The following SGMS1 variants were observed in gnomAD, a reference collection of about 807,000 sequenced individuals.
SGMS1 encodes the protein sphingomyelin synthase 1.
SGMS1 carries 13 observed loss-of-function variants against 46.2 expected under a neutral mutation model. The observed-to-expected ratio is 0.28, with a 90% CI of 0.18 to 0.45. SGMS1 has a LOEUF of 0.45. SGMS1 is among the 20% of genes least tolerant of loss of function. SGMS1 has a pLI of 1.00. For synonymous variants in SGMS1, 203 were observed against 187.8 expected (o/e 1.08, Z -0.66); for missense variants, 324 against 519.9 (o/e 0.62, Z 3.66).
chr10:50,438,772 C>T (rs1319132027), intron 5 of SGMS1, among the ~76,000 whole-genome samples: 2 of 152,200 alleles, frequency 1.3e-5, no homozygotes, highest in African/African-American at 2.4e-5. Context: ...TCTGCCTCTA[C>T]ATTAGCACAC....
intron 3 of SGMS1, among the ~76,000 whole-genome samples, chr10:50,481,901 T>C (rs566053141): frequency 5.3e-5 from 8 of 152,184 alleles, no homozygotes; most frequent in South Asian, 4.1e-4. Flanking sequence ...AAGAGCCGAA[T>C]AGACCAGCAG....
At chr10:50,332,288 C>T (rs765217304) in intron 7 of SGMS1, among the ~76,000 whole-genome samples, 6 of 152,134 alleles carry the variant, frequency 3.9e-5, no homozygotes, top group Non-Finnish European at 7.3e-5. Flanking sequence ...CAGCCATTCT[C>T]TCTGCCTGGA....
rs149419573 is a variant in SGMS1, at chr10:50,572,850, G to A, written c.-589+17303C>T. On this transcript the variant is annotated intron_variant, in intron 2 of 10. Coordinates refer to ENST00000361781, the MANE Select transcript of SGMS1 (RefSeq NM_147156.4). ...CATTTAAAACAGAACACAAATCAGC[G>A]TTTTCAACACCAAGAGAGAACCCTC... Among the ~76,000 whole-genome samples, 572 of 152,148 alleles carry A rather than the reference G, an allele frequency of 3.8e-3. 3 individuals carry two copies. Among genetic ancestry groups the A allele is most frequent in the African/African-American group, 0.013 (548 of 41,528 alleles).
chr10:50,613,527 A>T (rs1838769594), intron 1 of SGMS1, among the ~76,000 whole-genome samples: 1 of 152,186 alleles, frequency 6.6e-6, no homozygotes. Context: ...AGGCCTCTCT[A>T]GCCTCTTCAG....
chr10:50,573,272 T>C (rs1174481664), intron 2 of SGMS1, among the ~76,000 whole-genome samples: 2 of 152,176 alleles, frequency 1.3e-5, no homozygotes, highest in Non-Finnish European at 2.9e-5. Context: ...AGGTATCCAA[T>C]GTAAAACTAT....
Position 50,405,605 on chromosome 10 carries a change from G to A in SGMS1, c.-232+27871C>T, listed in dbSNP as rs566202816. Among the ~76,000 whole-genome samples, 117 of 152,240 alleles carry A rather than the reference G, an allele frequency of 7.7e-4. 2 individuals carry two copies. Among genetic ancestry groups the A allele is most frequent in the South Asian group, 3.1e-3 (15 of 4,822 alleles). On this transcript the variant is annotated intron_variant, in intron 6 of 10. Coordinates refer to ENST00000361781, the MANE Select transcript of SGMS1 (RefSeq NM_147156.4). ...GAAGAACTATCCCAATTCATGAAAA[G>A]CAGTAAAGAAACACCCTCACAAATG...
intron 3 of SGMS1, among the ~76,000 whole-genome samples, chr10:50,504,689 CA>C (rs1218701324): frequency 6.6e-6 from 1 of 151,990 alleles, no homozygotes; most frequent in East Asian, 1.9e-4. Context: ...ATACAAACAT[CA>C]ATCCTGTTCA....
chr10:50,595,816 C>G (rs886087616), intron 1 of SGMS1, among the ~76,000 whole-genome samples: 8 of 152,302 alleles, frequency 5.3e-5, no homozygotes, highest in African/African-American at 1.9e-4. Context: ...TTCATGCCCC[C>G]ATCACAATGA....
At chr10:50,361,387 T>A (rs1848245434) in intron 6 of SGMS1, among the ~76,000 whole-genome samples, 1 of 152,098 alleles carries the variant, frequency 6.6e-6, no homozygotes, top group African/African-American at 2.4e-5. Context: ...CCCGAGGAAG[T>A]CATTCCATCA....
At chr10:50,406,594 C>T (rs1318469842) in intron 6 of SGMS1, among the ~76,000 whole-genome samples, 9 of 152,152 alleles carry the variant, frequency 5.9e-5, no homozygotes, top group Admixed American at 5.2e-4. Flanking sequence ...TCCTCTATCT[C>T]AGCCATTGGA....
At chr10:50,512,535 G>A (rs1177189448) in intron 3 of SGMS1, among the ~76,000 whole-genome samples, 5 of 152,142 alleles carry the variant, frequency 3.3e-5, no homozygotes. Context: ...GAGTCCCTCT[G>A]TGCACAAGGC....
At chr10:50,494,294 T>A (rs11005933) in intron 3 of SGMS1, among the ~76,000 whole-genome samples, 19,270 of 152,070 alleles carry the variant, frequency 0.13, 1,323 homozygotes, top group Middle Eastern at 0.21. Context: ...ATTCAAAAAA[T>A]AAAAATCATT....
chr10:50,439,365 C>A (rs1462580377), intron 5 of SGMS1, among the ~76,000 whole-genome samples: 1 of 152,086 alleles, frequency 6.6e-6, no homozygotes, highest in Admixed American at 6.5e-5. Context: ...GAAATCCTAC[C>A]ATCAAATAAT....
intron 1 of SGMS1, among the ~76,000 whole-genome samples, chr10:50,608,432 G>C (rs1838716775): frequency 1.3e-5 from 2 of 152,104 alleles, no homozygotes; most frequent in African/African-American, 2.4e-5. Context: ...CTGGCTAAAA[G>C]GCTAGTGCAG....
chr10:50,539,949 A>G (rs1055846510), intron 2 of SGMS1, among the ~76,000 whole-genome samples: 2 of 152,236 alleles, frequency 1.3e-5, no homozygotes, highest in African/African-American at 4.8e-5. Flanking sequence ...TTTAGTCTGC[A>G]TAAGAGAGTG....
chr10:50,426,853 T>G (rs572553214), intron 6 of SGMS1, among the ~76,000 whole-genome samples: 113 of 152,254 alleles, frequency 7.4e-4, no homozygotes, highest in African/African-American at 2.6e-3. Context: ...TTGACACATG[T>G]CAGGTAGTAA....
At chr10:50,478,346 CTAAA>C (rs1172662151) in intron 3 of SGMS1, among the ~76,000 whole-genome samples, 1 of 152,152 alleles carries the variant, frequency 6.6e-6, no homozygotes, top group Non-Finnish European at 1.5e-5. Context: ...GTTTTCTGAA[CTAAA>C]TAGCTATACC....
intron 1 of SGMS1, among the ~76,000 whole-genome samples, chr10:50,619,608 A>G (rs1838829089): frequency 6.6e-6 from 1 of 152,204 alleles, no homozygotes; most frequent in Non-Finnish European, 1.5e-5. Flanking sequence ...CAGTGAGAGG[A>G]TCCTGTGCCA....
intron 7 of SGMS1, chr10:50,335,611 C>G (rs577304272): frequency 1.3e-5 from 2 of 152,304 alleles, no homozygotes; most frequent in South Asian, 4.1e-4. Flanking sequence ...ATGGCACCGA[C>G]AGGCTGGTGG....
Sources: allele counts gnomAD v4.1 joint callset (sites outside exome capture counted in the v4.1 genomes callset), GRCh38; gene constraint gnomAD v4.1.1; transcripts MANE v1.5; gene names NCBI Gene and HGNC (gene_info 2026-07-23, HGNC 2026-07-21).